Variants in CPLANE2 observed in about 807,000 individuals in gnomAD.
The protein encoded by CPLANE2 is ciliogenesis and planar polarity effector complex subunit 2.
In CPLANE2, 24 loss-of-function variants were observed where a neutral mutation model predicts 20.9. The ratio of observed to expected loss-of-function variants is 1.15; its 90% CI spans 0.83 to 1.61. The LOEUF (loss-of-function observed/expected upper bound fraction) is 1.61. Among genes scored for constraint, CPLANE2 ranks in the 40% most tolerant of loss-of-function variants. CPLANE2 has a pLI of 0.00. For missense variants in CPLANE2, 330 were observed against 355.1 expected (o/e 0.93, Z 0.57); for synonymous variants, 132 against 144.3 (o/e 0.92, Z 0.61).
Position 16,233,012 on chromosome 1 carries a change from G to A in CPLANE2, c.271C>T (p.Gln91Ter). 1 of 1,614,160 alleles carries A rather than the reference G, an allele frequency of 6.2e-7. No individual in the cohort carries two copies. Among genetic ancestry groups the A allele is most frequent in the Non-Finnish European group, 8.5e-7 (1 of 1,180,010 alleles). ...GCTGGCCAAAATACCACGGTGGTCTGGATGCCTGAGGGGGAGCCAGGGTCA... is the reference window on the plus strand; with the variant it reads ...GCTGGCCAAAATACCACGGTGGTCTAGATGCCTGAGGGGGAGCCAGGGTCA... ...PVVHHETTGI[Q>*]TTVVFWPAKL... Residue 91 changes from glutamine (Q) to a stop codon, truncating the protein, a stop_gained, in exon 3 of 5, where the codon CAG (glutamine) becomes TAG (stop). Transcript: ENST00000375599. LOFTEE classifies it high-confidence loss of function.
intron 1 of CPLANE2, among the ~76,000 whole-genome samples, chr1:16,234,004 G>A (rs181410142): frequency 6.6e-5 from 10 of 152,280 alleles, no homozygotes; most frequent in Admixed American, 2.6e-4. Flanking sequence ...CTTCTGCCAC[G>A]GGATGACACA....
At position 16,232,606 on chromosome 1, in the gene CPLANE2, G is replaced by A. The variant is rs767538456; in HGVS notation, c.431C>T (p.Ser144Phe). 5 of 1,614,048 alleles carry A rather than the reference G, an allele frequency of 3.1e-6. No individual in the cohort carries two copies. In the African/African-American group the frequency reaches 4.0e-5, roughly 13 times the overall value. Residue 144 changes from serine to phenylalanine, a missense_variant, in exon 4 of 5, where the codon TCC (serine) becomes TTC (phenylalanine). Coordinates refer to ENST00000375599, the MANE Select transcript of CPLANE2 (RefSeq NM_030907.4). ...ENTDAFLFLF[S>F]FTDRASFEDL... Reference sequence around the variant, plus strand: ...TTCAAAGGAGGCACGGTCAGTGAAGGAGAAGAGGAAGAGGAAGGCATCTGT... The same window carrying A: ...TTCAAAGGAGGCACGGTCAGTGAAGAAGAAGAGGAAGAGGAAGGCATCTGT...
chr1:16,232,745 A>G, intron 3 of CPLANE2, 99 bp from the exon 4 acceptor site: 1 of 1,572,004 alleles, frequency 6.4e-7, no homozygotes, highest in South Asian at 1.2e-5. Context: ...TGGGAAACTG[A>G]GGCCCAGAGC....
At chr1:16,236,591 A>C (rs2081467017) in intron 1 of CPLANE2, 40 bp downstream of exon 1, 4 of 1,461,304 alleles carry the variant, frequency 2.7e-6, no homozygotes, top group Non-Finnish European at 3.8e-6. Flanking sequence ...TCCCCAGGGA[A>C]AGACAAGTGG....
In CPLANE2 at chr1:16,232,168, G is replaced by C; in HGVS notation, c.657C>G (p.Asp219Glu). The change falls in exon 5 of 5, where the codon GAC (aspartate) becomes GAG (glutamate). Residue 219 changes from aspartate to glutamate, a missense_variant. By Grantham distance (45) the Asp-to-Glu change is conservative. Coordinates refer to ENST00000375599, the MANE Select transcript of CPLANE2 (RefSeq NM_030907.4). Reference sequence around the variant, plus strand: ...CAACGTCGGCCAGCCCAGCCCGCCCGTCCAGTGTGCGCCCATCAGCCAGCC... The same window carrying C: ...CAACGTCGGCCAGCCCAGCCCGCCCCTCCAGTGTGCGCCCATCAGCCAGCC... ...GRRLADGRTL[D>E]GRAGLADVAH... The C allele has an allele frequency of 6.2e-7, 1 of 1,613,196 alleles. No individual in the cohort carries two copies. Among genetic ancestry groups the C allele is most frequent in the Non-Finnish European group, 8.5e-7 (1 of 1,179,938 alleles).
Position 16,233,592 on chromosome 1 carries a change from A to AG in CPLANE2, c.265+19dup, listed in dbSNP as rs756813483. 159 of 1,612,498 alleles carry AG rather than the reference A, an allele frequency of 9.9e-5. No homozygotes were observed. Among genetic ancestry groups the AG allele is most frequent in the Non-Finnish European group, 1.3e-4 (154 of 1,179,150 alleles). Reference sequence around the variant, plus strand: ...AAGGAGGGCCTCCCAGGATGGGCAAAGGATAGAGGTCCCACTCACCGGTGG... The same window carrying AG: ...AAGGAGGGCCTCCCAGGATGGGCAAAGGGATAGAGGTCCCACTCACCGGTGG... On this transcript the variant is annotated intron_variant, in intron 2 of 4. Transcript: ENST00000375599.
intron 1 of CPLANE2, among the ~76,000 whole-genome samples, chr1:16,234,733 CTTTTTTGTTT>C (rs1269593996): frequency 6.6e-6 from 1 of 151,864 alleles, no homozygotes; most frequent in Non-Finnish European, 1.5e-5. Flanking sequence ...ATCTGTGGTT[CTTTTTTGTTT>C]TTTTTTGAGA....
intron 2 of CPLANE2, among the ~76,000 whole-genome samples, 192 bp downstream of exon 2, chr1:16,233,420 C>T (rs945597894): frequency 2.6e-5 from 4 of 152,244 alleles, no homozygotes; most frequent in Admixed American, 1.3e-4. Flanking sequence ...ACCACCACCA[C>T]CACCTCTAGT....
At chr1:16,235,199 T>TA (rs1176318328) in intron 1 of CPLANE2, among the ~76,000 whole-genome samples, 8 of 151,474 alleles carry the variant, frequency 5.3e-5, no homozygotes, top group East Asian at 1.9e-4. Flanking sequence ...ACCCAGCTGT[T>TA]AAAAAAAAAC....
At position 16,236,664 on chromosome 1, in the gene CPLANE2, A is replaced by C; in HGVS notation, c.79T>G (p.Cys27Gly). The change falls in exon 1 of 5, where the codon TGC becomes GGC. Residue 27 changes from cysteine to glycine, a missense_variant. Coordinates refer to ENST00000375599, the MANE Select transcript of CPLANE2 (RefSeq NM_030907.4). ...ESAEGKEYLA[C>G]ILRKNRRRVF... Reference sequence around the variant, plus strand: ...CGCCGGCGGTTCTTGCGCAGAATGCAAGCCAGGTACTCCTTGCCCTCGGCA... The same window carrying C: ...CGCCGGCGGTTCTTGCGCAGAATGCCAGCCAGGTACTCCTTGCCCTCGGCA... 6.4e-7 allele frequency: 1 copy of C among 1,561,554 alleles called. No homozygotes were observed. Among genetic ancestry groups the C allele is most frequent in the Non-Finnish European group, 8.7e-7 (1 of 1,151,416 alleles).
rs758130680 is a variant in CPLANE2 at position 16,236,753 on chromosome 1, C to T, written c.-11G>A. ...GGGAGGTCTGGCCATGGCTGGGCAC[C>T]GCGACGGGGTAGGGAGGTGACAGAA... On this transcript the variant is annotated 5_prime_UTR_variant, in exon 1 of 5. Transcript: ENST00000375599. The T allele has an allele frequency of 2.0e-5, 31 of 1,542,910 alleles. No homozygotes were observed. The East Asian group carries it at 3.9e-4, about 19-fold the overall frequency.
intron 4 of CPLANE2, 39 bp from the exon 5 acceptor site, chr1:16,232,336 A>G: frequency 6.4e-7 from 1 of 1,573,354 alleles, no homozygotes. Flanking sequence ...GTGCCTCTGC[A>G]CAGCCCCCCA....
chr1:16,234,740 G>T (rs1263068758), intron 1 of CPLANE2, among the ~76,000 whole-genome samples: 3 of 150,204 alleles, frequency 2.0e-5, no homozygotes, highest in African/African-American at 7.4e-5. Context: ...GTTCTTTTTT[G>T]TTTTTTTTTG....
In CPLANE2 at chr1:16,231,947, C is replaced by A; in HGVS notation, c.*101G>T. On this transcript the variant is annotated 3_prime_UTR_variant, in exon 5 of 5. Transcript: ENST00000375599. ...CCACATCCTCCCTGATCAGGCCATG[C>A]TGGCCAGTCCTCCAGATAGGATCCA... 1 of 1,491,928 alleles carries A rather than the reference C, an allele frequency of 6.7e-7. No homozygotes were observed. Among genetic ancestry groups the A allele is most frequent in the Non-Finnish European group, 9.1e-7 (1 of 1,101,512 alleles). 92.4% of individuals were successfully genotyped at this position (1,491,928 alleles called of 1,614,324 possible). A position where few individuals can be genotyped will look rare whatever the true frequency, so the allele number is the denominator to read the frequency against.
In CPLANE2 at chr1:16,233,732, C is replaced by A. The variant is rs138803019; in HGVS notation, c.145G>T (p.Val49Leu). 15 of 1,613,998 alleles carry A rather than the reference C, an allele frequency of 9.3e-6. No homozygotes were observed. The highest frequency in any genetic ancestry group is 1.3e-5 in the Non-Finnish European group (15 of 1,180,038). The change falls in exon 2 of 5, where the codon GTG becomes TTG. Residue 49 changes from valine (V) to leucine (L), a missense_variant. By Grantham distance (32) the Val-to-Leu change is conservative. Transcript: ENST00000375599. Reference protein sequence around the residue: ...LLERPVLLPPVSIDTASYKIF... With the variant: ...LLERPVLLPPLSIDTASYKIF... ...TTGTAGCTGGCAGTGTCAATGGACA[C>A]AGGCGGCAGCAGCACTGGCCGCTCA...
At chr1:16,234,073 C>T (rs925665083) in intron 1 of CPLANE2, among the ~76,000 whole-genome samples, 1 of 152,172 alleles carries the variant, frequency 6.6e-6, no homozygotes, top group African/African-American at 2.4e-5. Flanking sequence ...GCCTCCAGAA[C>T]CATGAGCCAA....
intron 3 of CPLANE2, 47 bp downstream of exon 3, chr1:16,232,846 C>G: frequency 6.2e-7 from 1 of 1,610,016 alleles, no homozygotes. Context: ...TCATTAATAC[C>G]CAATCGGCCC....
chr1:16,232,263 G>A lies in CPLANE2; in HGVS notation c.562C>T (p.Arg188Trp), dbSNP rs571056693. 4.8e-5 allele frequency: 77 copies of A among 1,609,450 alleles called. No homozygotes were observed. Among genetic ancestry groups the A allele is most frequent in the Middle Eastern group, 1.7e-4 (1 of 6,054 alleles). ...DQYMHTDVPE[R>W]DLTAFRQAWE... The stretch of plus-strand genomic sequence containing the variant: ...GCCTGCCGGAAGGCTGTGAGGTCCC[G>A]CTCGGGCACGTCCGTGTGCATGTAC... Residue 188 changes from arginine to tryptophan, a missense_variant, in exon 5 of 5, where the codon CGG becomes TGG. Physicochemically the swap from Arg to Trp is moderately radical, Grantham distance 101. Coordinates refer to ENST00000375599, the MANE Select transcript of CPLANE2 (RefSeq NM_030907.4).
rs1220641495 is a variant in CPLANE2 at position 16,233,707 on chromosome 1, T to A, written c.170A>T (p.Lys57Met). Residue 57 changes from lysine to methionine, a missense_variant, in exon 2 of 5, where the codon AAG becomes ATG. Transcript: ENST00000375599. ...ACCACTCTTCCCGGACACAAAGATC[T>A]TGTAGCTGGCAGTGTCAATGGACAC... ...PPVSIDTASYKIFVSGKSGVG... is the reference protein window; with the variant it reads ...PPVSIDTASYMIFVSGKSGVG... 1.2e-6 allele frequency: 2 copies of A among 1,614,040 alleles called. No homozygotes were observed. Among genetic ancestry groups the A allele is most frequent in the African/African-American group, 2.7e-5 (2 of 74,922 alleles).
Sources: allele counts gnomAD v4.1 joint callset (sites outside exome capture counted in the v4.1 genomes callset), GRCh38; gene constraint gnomAD v4.1.1; transcripts MANE v1.5; gene names NCBI Gene and HGNC (gene_info 2026-07-23, HGNC 2026-07-21).